IFT80: variants seen among roughly 807,000 people sequenced by gnomAD.
The protein encoded by IFT80 is intraflagellar transport protein 80 homolog.
A neutral mutation model predicts 107.9 loss-of-function variants in IFT80; 79 were observed. The ratio of observed to expected loss-of-function variants is 0.73; its 90% CI spans 0.61 to 0.88. IFT80 has a LOEUF of 0.88. Among genes scored for constraint, IFT80 ranks in the 40% least tolerant of loss-of-function variants. The probability of loss-of-function intolerance (pLI) is 0.00; values close to 1 mark genes in which losing one functional copy is unlikely to be tolerated. For synonymous variants in IFT80, 299 were observed against 300.9 expected (o/e 0.99, Z 0.07); for missense variants, 797 against 914.2 (o/e 0.87, Z 1.65).
rs1013380930 is a variant in IFT80, at chr3:160,363,786, G to T, written c.549+2257C>A. Among the ~76,000 whole-genome samples the T allele has an allele frequency of 2.0e-5, 3 of 152,268 alleles. No homozygotes were observed. In the South Asian group the frequency reaches 6.2e-4, roughly 31 times the overall value. On this transcript the variant is annotated intron_variant, in intron 6 of 19. Coordinates refer to ENST00000326448, the MANE Select transcript of IFT80 (RefSeq NM_020800.3). ...GATTCCCTATTTAATAAATGGTACT[G>T]GGAAAACTGGTTAGCCATATATAGA... is the stretch of plus-strand genomic sequence containing the variant.
At chr3:160,388,974 TCTGTCAACAC>T (rs1713152897) in intron 1 of IFT80, among the ~76,000 whole-genome samples, 1 of 152,250 alleles carries the variant, frequency 6.6e-6, no homozygotes, top group Admixed American at 6.5e-5. Context: ...GAAACACAGT[TCTGTCAACAC>T]CTTGATATCA....
chr3:160,341,499 C>T (rs1228728230), intron 8 of IFT80, among the ~76,000 whole-genome samples: 11 of 152,012 alleles, frequency 7.2e-5, no homozygotes, highest in Admixed American at 5.9e-4. Context: ...AAAAAAATTA[C>T]CAAAATAGGT....
chr3:160,300,279 A>C (rs555007074), intron 12 of IFT80, among the ~76,000 whole-genome samples: 42 of 152,252 alleles, frequency 2.8e-4, no homozygotes, highest in Middle Eastern at 6.8e-3. Context: ...CATAGTAAGC[A>C]CTCAATAATA....
chr3:160,311,683 T>C (rs913824511), intron 9 of IFT80, among the ~76,000 whole-genome samples: 1 of 152,158 alleles, frequency 6.6e-6, no homozygotes, highest in Non-Finnish European at 1.5e-5. Context: ...GGAAGACATC[T>C]AACCAGATCC....
At chr3:160,345,171 G>A (rs1388959348) in intron 8 of IFT80, among the ~76,000 whole-genome samples, 1 of 152,178 alleles carries the variant, frequency 6.6e-6, no homozygotes, top group Non-Finnish European at 1.5e-5. Flanking sequence ...CGGGCAAGAT[G>A]TGGAAGCAAC....
chr3:160,304,056 T>C (rs1171760580), intron 10 of IFT80, 67 bp from the exon 11 acceptor site: 2 of 1,031,662 alleles, frequency 1.9e-6, no homozygotes, highest in Non-Finnish European at 3.0e-6. Context: ...ATAAGTAGAT[T>C]GGTATTCATT....
intron 6 of IFT80, among the ~76,000 whole-genome samples, chr3:160,361,289 C>T (rs1014922462): frequency 1.3e-5 from 2 of 151,994 alleles, no homozygotes; most frequent in Non-Finnish European, 2.9e-5. Context: ...AGGCCATTAC[C>T]TAATGGTAAA....
In IFT80 at chr3:160,384,585, A is replaced by G. The variant is rs751291493; in HGVS notation, c.16T>C (p.Ser6Pro). 1 of 1,526,528 alleles carries G rather than the reference A, an allele frequency of 6.6e-7. No individual in the cohort carries two copies. 94.6% of individuals were successfully genotyped at this position (1,526,528 alleles called of 1,614,324 possible). The change falls in exon 2 of 20, where the codon TCT (serine) becomes CCT (proline). Residue 6 changes from serine to proline, a missense_variant. Transcript: ENST00000326448. ...ATATGCTTTGGTTCTTTTAAAAGAG[A>G]TATCTTTAGTCTCATGACTCCACTT... Reference protein sequence around the residue: MRLKISLLKEPKHQEL... With the variant: MRLKIPLLKEPKHQEL...
At chr3:160,396,116 C>A (rs542511358) in intron 1 of IFT80, among the ~76,000 whole-genome samples, 1 of 151,828 alleles carries the variant, frequency 6.6e-6, no homozygotes, top group Non-Finnish European at 1.5e-5. Flanking sequence ...TTCCAACCTA[C>A]GGAATAAAAA....
chr3:160,277,271 C>T, intron 18 of IFT80, 35 bp downstream of exon 18: 1 of 1,584,688 alleles, frequency 6.3e-7, no homozygotes, highest in Non-Finnish European at 8.7e-7. Flanking sequence ...TAAGGTCAAA[C>T]AGATTTTGGA....
intron 8 of IFT80, among the ~76,000 whole-genome samples, chr3:160,327,315 G>GA (rs1434147652): frequency 5.9e-5 from 9 of 152,102 alleles, no homozygotes; most frequent in East Asian, 1.9e-4. Context: ...CACAGAAATA[G>GA]AAAAAAACTA....
intron 4 of IFT80, 67 bp from the exon 5 acceptor site, chr3:160,375,947 G>A (rs771799267): frequency 9.7e-7 from 1 of 1,035,056 alleles, no homozygotes; most frequent in Non-Finnish European, 1.5e-6. Flanking sequence ...CATTAAATTT[G>A]CATATAAGAA....
intron 7 of IFT80, 113 bp downstream of exon 7, chr3:160,357,376 T>C (rs996032998): frequency 1.1e-5 from 7 of 636,064 alleles, no homozygotes; most frequent in Non-Finnish European, 2.0e-5. Context: ...ATTTGCTAAA[T>C]TACTGGAGTA....
At chr3:160,377,601 C>T in intron 3 of IFT80, 61 bp from the exon 4 acceptor site, 1 of 941,712 alleles carries the variant, frequency 1.1e-6, no homozygotes, top group South Asian at 1.3e-5. Context: ...GCACCTACTA[C>T]TAGACTAAGT....
At chr3:160,299,344 T>TA in intron 12 of IFT80, 2 of 509,420 alleles carry the variant, frequency 3.9e-6, no homozygotes, top group Non-Finnish European at 5.4e-6. Context: ...GGTGCTATTA[T>TA]CTGAAGTACT....
chr3:160,355,755 ACTT>A (rs1721031378), intron 8 of IFT80, among the ~76,000 whole-genome samples: 1 of 152,222 alleles, frequency 6.6e-6, no homozygotes, highest in South Asian at 2.1e-4. Context: ...TACTTTAACT[ACTT>A]CATCCTTCAC....
At chr3:160,335,401 T>C (rs913344248) in intron 8 of IFT80, among the ~76,000 whole-genome samples, 12 of 152,104 alleles carry the variant, frequency 7.9e-5, no homozygotes, top group Middle Eastern at 3.4e-3. Flanking sequence ...TTTGTATTTT[T>C]AGTAGAGACG....
intron 9 of IFT80, among the ~76,000 whole-genome samples, chr3:160,310,308 G>C (rs551610052): frequency 6.6e-6 from 1 of 152,312 alleles, no homozygotes; most frequent in South Asian, 2.1e-4. Flanking sequence ...GAGCATTAAA[G>C]AGAATAACCA....
chr3:160,359,141 T>C (rs1022724281), intron 6 of IFT80, among the ~76,000 whole-genome samples: 1 of 152,196 alleles, frequency 6.6e-6, no homozygotes, highest in Admixed American at 6.5e-5. Flanking sequence ...GCTGCTTTAG[T>C]CTCCCAAAAG....
Sources: allele counts gnomAD v4.1 joint callset (sites outside exome capture counted in the v4.1 genomes callset), GRCh38; gene constraint gnomAD v4.1.1; transcripts MANE v1.5; gene names NCBI Gene and HGNC (gene_info 2026-07-23, HGNC 2026-07-21).